Variants in SALL2 observed in about 807,000 individuals in gnomAD.
The protein encoded by SALL2 is spalt like transcription factor 2, also known as sal-like protein 2.
In SALL2, 32 loss-of-function variants were observed where a neutral mutation model predicts 58.5. That is an observed-to-expected ratio of 0.55 (90% CI 0.41 to 0.74). The LOEUF (loss-of-function observed/expected upper bound fraction) is 0.74. Ranked by LOEUF, SALL2 falls within the 30% of genes least tolerant of loss-of-function variation. SALL2 has a pLI of 0.00. For missense variants in SALL2, 1,201 were observed against 1,268.9 expected (o/e 0.95, Z 0.81); for synonymous variants, 516 against 513.6 (o/e 1.00, Z -0.06).
At chr14:21,527,211 GC>G (rs1477261908), upstream of SALL2, among the ~76,000 whole-genome samples, 1 of 152,146 alleles carries the variant, frequency 6.6e-6, no homozygotes, top group Non-Finnish European at 1.5e-5. Flanking sequence ...GGGGAGGGGA[GC>G]CCTCTTGAAA....
At chr14:21,535,933 T>C (rs1290184385) in intron 1 of SALL2, among the ~76,000 whole-genome samples, 1 of 150,370 alleles carries the variant, frequency 6.7e-6, no homozygotes, top group Non-Finnish European at 1.5e-5. Context: ...AGGCAAGTTT[T>C]TAAAACCCAG....
Position 21,523,994 on chromosome 14 carries a change from C to T in SALL2, c.1728G>A (p.Val576=). The T allele has an allele frequency of 6.2e-7, 1 of 1,614,206 alleles. No individual in the cohort carries two copies. Among genetic ancestry groups the T allele is most frequent in the Non-Finnish European group, 8.5e-7 (1 of 1,180,052 alleles). The change falls in exon 2 of 2, where the codon GTG becomes GTA. Residue 576 remains valine, a synonymous_variant. Coordinates refer to ENST00000537235, the MANE Select transcript of SALL2 (RefSeq NM_001364564.1). The surrounding 1 kb of genome is among the most constrained non-coding windows in gnomAD (Gnocchi z 4.4). ...KSTGSFPFPY[V]LEPLGASPSE... is the part of the protein sequence containing the mutation. ...AGGGTGAGGCCCCCAAGGGCTCTAGCACATAGGGGAAGGGGAAGCTGCCAG... is the reference window on the plus strand; with the variant it reads ...AGGGTGAGGCCCCCAAGGGCTCTAGTACATAGGGGAAGGGGAAGCTGCCAG...
Position 21,522,289 on chromosome 14 carries a change from C to T in SALL2, c.*415G>A. ...ATACCCACCAGCTGAGCAGAAAGGTCACCCCAGAGGAGTGGCACTGGGCCC... is the reference window on the plus strand; with the variant it reads ...ATACCCACCAGCTGAGCAGAAAGGTTACCCCAGAGGAGTGGCACTGGGCCC... On this transcript the variant is annotated 3_prime_UTR_variant, in exon 2 of 2. Coordinates refer to ENST00000537235, the MANE Select transcript of SALL2 (RefSeq NM_001364564.1). 6.5e-7 allele frequency: 1 copy of T among 1,537,774 alleles called. No individual in the cohort carries two copies. The highest frequency in any genetic ancestry group is 1.2e-5 in the South Asian group (1 of 84,074).
chr14:21,528,957 C>A (rs1234799382), upstream of SALL2, among the ~76,000 whole-genome samples: 1 of 152,158 alleles, frequency 6.6e-6, no homozygotes, highest in Non-Finnish European at 1.5e-5. Context: ...AAATCCTTTT[C>A]TTTTCATCTT....
upstream of SALL2, among the ~76,000 whole-genome samples, chr14:21,531,240 C>G (rs1410288514): frequency 6.6e-6 from 1 of 152,198 alleles, no homozygotes; most frequent in Admixed American, 6.5e-5. Context: ...CTTCAAAGGA[C>G]TCAACACTTA....
intron 1 of SALL2, among the ~76,000 whole-genome samples, chr14:21,535,208 G>C (rs139025509): frequency 2.0e-5 from 3 of 152,032 alleles, no homozygotes; most frequent in Non-Finnish European, 4.4e-5. Context: ...AGCCCGGCGT[G>C]GTGGCAGGCG....
rs749933331 is a variant in SALL2 at position 21,523,693 on chromosome 14, C to A, written c.2029G>T (p.Val677Leu). Residue 677 changes from valine to leucine, a missense_variant, in exon 2 of 2, where the codon GTG (valine) becomes TTG (leucine). Transcript: ENST00000537235. The surrounding 1 kb of genome is among the most constrained non-coding windows in gnomAD (Gnocchi z 4.4). ...GCAGCTGGACTGGCCTTGTGGCCCACGAAATGTGCACGCAGATTACCCCTG... is the reference window on the plus strand; with the variant it reads ...GCAGCTGGACTGGCCTTGTGGCCCAAGAAATGTGCACGCAGATTACCCCTG... ...STRGNLRAHF[V>L]GHKASPAARA... 1.1e-5 allele frequency: 17 copies of A among 1,614,188 alleles called. No individual in the cohort carries two copies. Among genetic ancestry groups the A allele is most frequent in the Non-Finnish European group, 1.4e-5 (16 of 1,180,036 alleles).
In SALL2 at chr14:21,525,480, G is replaced by A; in HGVS notation, c.242C>T (p.Pro81Leu). ...NNSSASSEPR[P>L]EGHNNPQVMD... ...GACCTGAGGATTATTGTGACCCTCA[G>A]GCCGGGGTTCAGAGGAGGCCGAAGA... is the stretch of plus-strand genomic sequence containing the variant. The change falls in exon 2 of 2, where the codon CCT (proline) becomes CTT (leucine). Residue 81 changes from proline to leucine, a missense_variant. Coordinates refer to ENST00000537235, the MANE Select transcript of SALL2 (RefSeq NM_001364564.1). The surrounding 1 kb of genome is among the most constrained non-coding windows in gnomAD (Gnocchi z 4.4). The A allele has an allele frequency of 6.2e-7, 1 of 1,613,978 alleles. No homozygotes were observed. Among genetic ancestry groups the A allele is most frequent in the Non-Finnish European group, 8.5e-7 (1 of 1,179,942 alleles).
At chr14:21,526,014 TC>T in intron 1 of SALL2, 46 bp downstream of exon 1, 1 of 1,041,058 alleles carries the variant, frequency 9.6e-7, no homozygotes, top group Non-Finnish European at 1.4e-6. Flanking sequence ...CCCCTGCGCA[TC>T]CCCCTCCGCC....
Position 21,525,049 on chromosome 14 carries a change from G to A in SALL2, c.673C>T (p.Pro225Ser). 1 of 1,614,054 alleles carries A rather than the reference G, an allele frequency of 6.2e-7. No homozygotes were observed. Among genetic ancestry groups the A allele is most frequent in the Non-Finnish European group, 8.5e-7 (1 of 1,179,960 alleles). ...VGAPASPSEL[P>S]GTGTASSTKP... ...GTGGAAGAGGCAGTCCCTGTCCCAG[G>A]TAGCTCTGAGGGACTGGCAGGGGCA... is the stretch of plus-strand genomic sequence containing the variant. The change falls in exon 2 of 2, where the codon CCT becomes TCT. Residue 225 changes from proline to serine, a missense_variant. This residue lies in a region of SALL2 where 467 missense variants were observed against 468.9 expected (regional missense o/e 1.00). Coordinates refer to ENST00000537235, the MANE Select transcript of SALL2 (RefSeq NM_001364564.1). The surrounding 1 kb of genome is among the most constrained non-coding windows in gnomAD (Gnocchi z 4.4).
In SALL2 at chr14:21,535,374, AAAG is replaced by A. The variant is rs961311713; in HGVS notation, c.-114+1585_-114+1587del. Among the ~76,000 whole-genome samples, 11 of 152,034 alleles carry A rather than the reference AAAG, an allele frequency of 7.2e-5. No individual in the cohort carries two copies. In the East Asian group the frequency reaches 1.2e-3, roughly 16 times the overall value. On this transcript the variant is annotated intron_variant, in intron 1 of 1. Transcript: ENST00000541965. Reference sequence around the variant, plus strand: ...AAAAAAAAAGAAAAAAAGAAAAAGAAAAGAAAAGAAAAAAAAAGAAATGCTGAC... The same window carrying A: ...AAAAAAAAAGAAAAAAAGAAAAAGAAAAAAGAAAAAAAAAGAAATGCTGAC...
In SALL2 at chr14:21,524,118, C is replaced by G; in HGVS notation, c.1604G>C (p.Ser535Thr). Residue 535 changes from serine (S) to threonine (T), a missense_variant, in exon 2 of 2, where the codon AGT (serine) becomes ACT (threonine). Ser to Thr is a moderately conservative substitution (Grantham distance 58, BLOSUM62 1). Transcript: ENST00000537235. Reference sequence around the variant, plus strand: ...TGCCGTGCTACTTTCTGCCACTCCACTGATGGCTGAGCCCTCACTCCCTGG... The same window carrying G: ...TGCCGTGCTACTTTCTGCCACTCCAGTGATGGCTGAGCCCTCACTCCCTGG... ...TPPGSEGSAI[S>T]GVAESSTATR... is the part of the protein sequence containing the mutation. 1 of 1,613,514 alleles carries G rather than the reference C, an allele frequency of 6.2e-7. No homozygotes were observed. The highest frequency in any genetic ancestry group is 1.1e-5 in the South Asian group (1 of 90,950).
chr14:21,526,503 A>G, upstream of SALL2: 1 of 1,200,050 alleles, frequency 8.3e-7, no homozygotes, highest in Non-Finnish European at 1.0e-6. Context: ...GGTGCTGTGA[A>G]GCACTGCGGG....
In SALL2 at chr14:21,524,652, T is replaced by G; in HGVS notation, c.1070A>C (p.Tyr357Ser). ...KPKNGSGELS[Y>S]GEVMGPLEKP... ...CTCCAAGGGACCCATCACTTCTCCGTAGCTCAGCTCACCACTTCCATTCTT... is the reference window on the plus strand; with the variant it reads ...CTCCAAGGGACCCATCACTTCTCCGGAGCTCAGCTCACCACTTCCATTCTT... The change falls in exon 2 of 2, where the codon TAC becomes TCC. Residue 357 changes from tyrosine (Y) to serine (S), a missense_variant. This residue lies in a region of SALL2 where 467 missense variants were observed against 468.9 expected (regional missense o/e 1.00). Coordinates refer to ENST00000537235, the MANE Select transcript of SALL2 (RefSeq NM_001364564.1). The G allele has an allele frequency of 6.2e-7, 1 of 1,614,144 alleles. No individual in the cohort carries two copies. Among genetic ancestry groups the G allele is most frequent in the Non-Finnish European group, 8.5e-7 (1 of 1,180,040 alleles).
Position 21,521,817 on chromosome 14 carries a change from GGA to G in SALL2, c.*885_*886del. On this transcript the variant is annotated 3_prime_UTR_variant, in exon 2 of 2. Coordinates refer to ENST00000537235, the MANE Select transcript of SALL2 (RefSeq NM_001364564.1). ...GAGAGGTCATCATGAATGAGAAGCT[GGA>G]GAGGTCTTGGCACACTGACCAGCCA... The G allele has an allele frequency of 1.7e-6, 1 of 579,778 alleles. No individual in the cohort carries two copies. The highest frequency in any genetic ancestry group is 2.9e-6 in the Non-Finnish European group (1 of 339,512). The allele number at this position is 579,778 out of a possible 1,614,324, so 35.9% of individuals were successfully genotyped here. A position where few individuals can be genotyped will look rare whatever the true frequency, so the allele number is the denominator to read the frequency against.
chr14:21,521,984 G>C lies in SALL2; in HGVS notation c.*720C>G, dbSNP rs1468469716. 2.3e-5 allele frequency: 35 copies of C among 1,539,404 alleles called. No individual in the cohort carries two copies. The highest frequency in any genetic ancestry group is 2.9e-5 in the Non-Finnish European group (33 of 1,145,038). ...GTACCGGCACCTTCTGGAGCAGGGG[G>C]AGGAAGAAGGAATGTACAGTTTGCT... is the stretch of plus-strand genomic sequence containing the variant. On this transcript the variant is annotated 3_prime_UTR_variant, in exon 2 of 2. Coordinates refer to ENST00000537235, the MANE Select transcript of SALL2 (RefSeq NM_001364564.1).
upstream of SALL2, chr14:21,526,427 G>A: frequency 7.4e-7 from 1 of 1,346,472 alleles, no homozygotes; most frequent in Non-Finnish European, 9.5e-7. Flanking sequence ...CGGGAGAAGG[G>A]AGCGCTAGCG....
rs1412093514 is a variant in SALL2 at position 21,526,093 on chromosome 14, C to T, written c.35G>A (p.Gly12Glu). The change falls in exon 1 of 2, where the codon GGG becomes GAG. Residue 12 changes from glycine to glutamate, a missense_variant. By Grantham distance (98) the Gly-to-Glu change is moderately conservative. Coordinates refer to ENST00000537235, the MANE Select transcript of SALL2 (RefSeq NM_001364564.1). Reference protein sequence around the residue: ...AHESERSSRLGVPCGEPAELG... With the variant: ...AHESERSSRLEVPCGEPAELG... ...CTCTGCCGGCTCCCCGCAGGGCACC[C>T]CGAGACGAGAGCTCCTCTCGGATTC... 3.9e-6 allele frequency: 6 copies of T among 1,537,832 alleles called. No individual in the cohort carries two copies. The highest frequency in any genetic ancestry group is 1.2e-5 in the South Asian group (1 of 84,182).
chr14:21,535,160 A>G (rs559591188), intron 1 of SALL2, among the ~76,000 whole-genome samples: 1 of 152,122 alleles, frequency 6.6e-6, no homozygotes, highest in South Asian at 2.1e-4. Flanking sequence ...CCTGGCTAAC[A>G]CGGTGAAACC....
Sources: allele counts gnomAD v4.1 joint callset (sites outside exome capture counted in the v4.1 genomes callset), GRCh38; gene constraint gnomAD v4.1.1; regional missense constraint gnomAD v4.1.1; non-coding constraint Gnocchi (gnomAD v3.1); transcripts MANE v1.5; gene names NCBI Gene and HGNC (gene_info 2026-07-23, HGNC 2026-07-21).